SCMH1: variants seen among roughly 807,000 people sequenced by gnomAD.
The protein encoded by SCMH1 is Scm polycomb group protein homolog 1.
A neutral mutation model predicts 70.8 loss-of-function variants in SCMH1; 37 were observed. The observed-to-expected ratio is 0.52, with a 90% CI of 0.40 to 0.69. The LOEUF is 0.69. SCMH1 is among the 30% of genes least tolerant of loss of function. The probability of loss-of-function intolerance (pLI) is 0.00; values close to 1 mark genes in which losing one functional copy is unlikely to be tolerated. For synonymous variants in SCMH1, 292 were observed against 307.4 expected (o/e 0.95, Z 0.52); for missense variants, 607 against 827.3 (o/e 0.73, Z 3.27).
intron 2 of SCMH1, among the ~76,000 whole-genome samples, chr1:41,167,283 GTCT>G (rs1289143619): frequency 6.6e-6 from 1 of 152,076 alleles, no homozygotes; most frequent in African/African-American, 2.4e-5. Context: ...TTGGTCTGCA[GTCT>G]TCTTTTTCTT....
chr1:41,115,897 C>T (rs1166260903), intron 7 of SCMH1, among the ~76,000 whole-genome samples: 1 of 152,186 alleles, frequency 6.6e-6, no homozygotes, highest in Non-Finnish European at 1.5e-5. Flanking sequence ...TTATACATAG[C>T]ATATAGCTAG....
rs187575814 is a variant in SCMH1, at chr1:41,080,326, G to C, written c.746-4875C>G. Among the ~76,000 whole-genome samples the C allele has an allele frequency of 5.9e-5, 9 of 152,050 alleles. No individual in the cohort carries two copies. In the East Asian group the frequency reaches 1.7e-3, roughly 29 times the overall value. On this transcript the variant is annotated intron_variant, in intron 8 of 14. Transcript: ENST00000337495. ...TAAAGAAGAAATAATAACAAATCTT[G>C]CAAAGCCTCTTTTGAAAAATAGAAG...
chr1:41,089,218 CT>C (rs1662607491), intron 8 of SCMH1, among the ~76,000 whole-genome samples: 2 of 152,308 alleles, frequency 1.3e-5, no homozygotes, highest in Middle Eastern at 6.8e-3. Flanking sequence ...CCTTAAACTT[CT>C]TGTTTTTAAT....
At chr1:41,182,638 G>T (rs1362685925) in intron 2 of SCMH1, among the ~76,000 whole-genome samples, 1 of 152,078 alleles carries the variant, frequency 6.6e-6, no homozygotes, top group African/African-American at 2.4e-5. Flanking sequence ...TTGAGCCCAG[G>T]AAGTCCAAGC....
intron 5 of SCMH1, among the ~76,000 whole-genome samples, chr1:41,144,721 T>G (rs1420965890): frequency 6.6e-6 from 1 of 152,174 alleles, no homozygotes; most frequent in Admixed American, 6.6e-5. Flanking sequence ...TTACCACCAA[T>G]GTACAAGGGT....
chr1:41,193,873 T>C (rs1652354595), intron 1 of SCMH1, among the ~76,000 whole-genome samples: 1 of 152,236 alleles, frequency 6.6e-6, no homozygotes, highest in Non-Finnish European at 1.5e-5. Context: ...AAGATCTGAA[T>C]TATTTATGAT....
At chr1:41,214,424 T>C (rs1164183742) in intron 1 of SCMH1, among the ~76,000 whole-genome samples, 1 of 152,174 alleles carries the variant, frequency 6.6e-6, no homozygotes, top group Non-Finnish European at 1.5e-5. Flanking sequence ...ACTCATATTT[T>C]GTCTTACTTG....
At chr1:41,154,042 T>C (rs895735144) in intron 4 of SCMH1, among the ~76,000 whole-genome samples, 3 of 152,258 alleles carry the variant, frequency 2.0e-5, no homozygotes, top group Non-Finnish European at 4.4e-5. Flanking sequence ...ACAGACAGTA[T>C]GTGTGCCTAA....
At chr1:41,236,665 G>A (rs1435309698) in intron 1 of SCMH1, among the ~76,000 whole-genome samples, 1 of 151,912 alleles carries the variant, frequency 6.6e-6, no homozygotes, top group African/African-American at 2.4e-5. Flanking sequence ...GGGATGATCG[G>A]ATCCCTACAT....
chr1:41,103,759 A>G (rs903164654), intron 8 of SCMH1, among the ~76,000 whole-genome samples: 4 of 152,144 alleles, frequency 2.6e-5, no homozygotes, highest in African/African-American at 9.7e-5. Context: ...TTGTGAGGGC[A>G]AGAGAGAGAG....
At chr1:41,151,011 A>AC (rs1392180546) in intron 5 of SCMH1, among the ~76,000 whole-genome samples, 1 of 152,002 alleles carries the variant, frequency 6.6e-6, no homozygotes, top group Non-Finnish European at 1.5e-5. Flanking sequence ...TGAGGAAATA[A>AC]CCCTTGAGTA....
At chr1:41,179,699 C>T (rs190920763) in intron 2 of SCMH1, among the ~76,000 whole-genome samples, 6 of 152,198 alleles carry the variant, frequency 3.9e-5, no homozygotes, top group African/African-American at 1.2e-4. Context: ...CAATAACAGG[C>T]TCTGAAATTG....
chr1:41,038,701 G>A (rs1332724350), intron 12 of SCMH1, among the ~76,000 whole-genome samples: 1 of 150,718 alleles, frequency 6.6e-6, no homozygotes, highest in Non-Finnish European at 1.5e-5. Flanking sequence ...AAGTGGTTCT[G>A]AAAAGATAAG....
At chr1:41,125,286 G>C (rs1347185948) in intron 6 of SCMH1, among the ~76,000 whole-genome samples, 1 of 151,722 alleles carries the variant, frequency 6.6e-6, no homozygotes, top group Non-Finnish European at 1.5e-5. Context: ...CGAGATCTCC[G>C]CTCACTGCAG....
intron 11 of SCMH1, among the ~76,000 whole-genome samples, 193 bp downstream of exon 11, chr1:41,048,497 T>C (rs1451137709): frequency 6.6e-6 from 1 of 152,122 alleles, no homozygotes; most frequent in Non-Finnish European, 1.5e-5. Flanking sequence ...AATCTGTGGG[T>C]ATTCTCCTTG....
intron 1 of SCMH1, among the ~76,000 whole-genome samples, chr1:41,202,874 TA>T (rs1654692345): frequency 6.6e-6 from 1 of 152,128 alleles, no homozygotes; most frequent in Non-Finnish European, 1.5e-5. Context: ...AACAGAAATA[TA>T]AGCATAATGT....
intron 4 of SCMH1, chr1:41,159,598 G>T: frequency 9.3e-7 from 1 of 1,071,188 alleles, no homozygotes; most frequent in South Asian, 2.9e-5. Flanking sequence ...TTTGAACCTT[G>T]GTTCAAATTG....
At chr1:41,037,255 A>C in intron 13 of SCMH1, 107 bp downstream of exon 13, 1 of 1,140,972 alleles carries the variant, frequency 8.8e-7, no homozygotes, top group East Asian at 2.4e-5. Flanking sequence ...TCCCACCACC[A>C]GGCAGAGGGC....
chr1:41,034,634 CTT>C (rs1009720597), intron 13 of SCMH1, among the ~76,000 whole-genome samples: 1 of 152,066 alleles, frequency 6.6e-6, no homozygotes, highest in African/African-American at 2.4e-5. Context: ...GCCGAGGTGA[CTT>C]TTTTTCATTG....
Sources: allele counts gnomAD v4.1 joint callset (sites outside exome capture counted in the v4.1 genomes callset), GRCh38; gene constraint gnomAD v4.1.1; transcripts MANE v1.5; gene names NCBI Gene and HGNC (gene_info 2026-07-23, HGNC 2026-07-21).